The following ZZZ3 variants were observed in gnomAD, a reference collection of about 807,000 sequenced individuals.
ZZZ3 encodes the protein zinc finger ZZ-type containing 3, also known as ZZ-type zinc finger-containing protein 3.
Under a neutral mutation model 95.2 loss-of-function variants are expected in ZZZ3, and 22 were observed. That is an observed-to-expected ratio of 0.23 (90% CI 0.17 to 0.33). The LOEUF is 0.33. ZZZ3 is among the 10% of genes least tolerant of loss of function. The probability of loss-of-function intolerance (pLI) is 1.00; values close to 1 mark genes in which losing one functional copy is unlikely to be tolerated. For synonymous variants in ZZZ3, 335 were observed against 358.9 expected (o/e 0.93, Z 0.75); for missense variants, 885 against 1,066.5 (o/e 0.83, Z 2.37).
chr1:77,679,499 G>A (rs1183657763), intron 1 of ZZZ3, among the ~76,000 whole-genome samples: 1 of 151,880 alleles, frequency 6.6e-6, no homozygotes, highest in East Asian at 1.9e-4. Flanking sequence ...AACGTGGTCT[G>A]ACTATGTTGT....
chr1:77,653,308 G>A (rs1317020829), intron 1 of ZZZ3, among the ~76,000 whole-genome samples: 4 of 152,160 alleles, frequency 2.6e-5, no homozygotes, highest in Non-Finnish European at 5.9e-5. Flanking sequence ...GAGTGCTATA[G>A]GTATGGGGTT....
intron 1 of ZZZ3, among the ~76,000 whole-genome samples, chr1:77,674,930 C>T (rs1460410773): frequency 7.3e-6 from 1 of 136,798 alleles, no homozygotes; most frequent in Non-Finnish European, 1.5e-5. Context: ...CCAGCCTGGG[C>T]AACAGAGTAA....
chr1:77,661,328 G>C (rs571350880), intron 1 of ZZZ3, among the ~76,000 whole-genome samples: 3 of 152,190 alleles, frequency 2.0e-5, no homozygotes, highest in Admixed American at 6.5e-5. Context: ...CAGGAGAATC[G>C]CTTGAGCCCA....
intron 1 of ZZZ3, among the ~76,000 whole-genome samples, chr1:77,654,540 A>G (rs1670098547): frequency 6.6e-6 from 1 of 152,216 alleles, no homozygotes; most frequent in Non-Finnish European, 1.5e-5. Flanking sequence ...AATGATGTTT[A>G]TCCCCAAAAT....
intron 5 of ZZZ3, among the ~76,000 whole-genome samples, chr1:77,601,989 A>C (rs550135582): frequency 6.6e-6 from 1 of 152,238 alleles, no homozygotes; most frequent in East Asian, 1.9e-4. Flanking sequence ...CGCTCTGCTA[A>C]TCTGCTGAAT....
intron 1 of ZZZ3, among the ~76,000 whole-genome samples, chr1:77,678,375 G>A (rs896169172): frequency 1.3e-5 from 2 of 152,152 alleles, no homozygotes; most frequent in Non-Finnish European, 2.9e-5. Context: ...GATAAGGAGA[G>A]ATCTACACGT....
At chr1:77,625,958 C>T (rs979452627) in intron 5 of ZZZ3, among the ~76,000 whole-genome samples, 4 of 151,522 alleles carry the variant, frequency 2.6e-5, no homozygotes, top group Admixed American at 1.3e-4. Flanking sequence ...GATGGCACCA[C>T]TGCACTCCAG....
chr1:77,645,916 A>G (rs1188607941), intron 1 of ZZZ3, among the ~76,000 whole-genome samples: 2 of 150,682 alleles, frequency 1.3e-5, no homozygotes, highest in Non-Finnish European at 3.0e-5. Flanking sequence ...GGTTGCAGTG[A>G]GCCGAGATCA....
rs145129251 is a variant in ZZZ3 at position 77,633,014 on chromosome 1, G to C, written c.341C>G (p.Pro114Arg). ...CERRQTEPVS[P>R]VLKRIKRCLR... ...ACAACGCTTAATTCTTTTTAAAACT[G>C]GTGAAACAGGTTCTGTTTGCCTTCT... Residue 114 changes from proline (P) to arginine (R), a missense_variant, in exon 5 of 15, where the codon CCA becomes CGA. Physicochemically the swap from Pro to Arg is moderately radical, Grantham distance 103 (BLOSUM62 -2). This residue lies in a region of ZZZ3 where 556 missense variants were observed against 652.9 expected (regional missense o/e 0.85). Coordinates refer to ENST00000370801, the MANE Select transcript of ZZZ3 (RefSeq NM_015534.6). 14 of 1,613,888 alleles carry C rather than the reference G, an allele frequency of 8.7e-6. No individual in the cohort carries two copies. The East Asian group carries it at 2.9e-4, about 33-fold the overall frequency.
intron 1 of ZZZ3, among the ~76,000 whole-genome samples, chr1:77,654,633 A>G (rs1670107930): frequency 6.6e-6 from 1 of 152,192 alleles, no homozygotes; most frequent in South Asian, 2.1e-4. Context: ...AACCGAAAAG[A>G]AAAAATAGGA....
rs990506740 is a variant in ZZZ3, at chr1:77,562,898, G to A, written c.*2742C>T. Reference sequence around the variant, plus strand: ...CGCTGACTCTGAAGTAATCTGCCTAGGTTAAAATCCAAGCATGACCACTTT... The same window carrying A: ...CGCTGACTCTGAAGTAATCTGCCTAAGTTAAAATCCAAGCATGACCACTTT... On this transcript the variant is annotated 3_prime_UTR_variant, in exon 15 of 15. Coordinates refer to ENST00000370801, the MANE Select transcript of ZZZ3 (RefSeq NM_015534.6). The A allele has an allele frequency of 6.6e-6, 1 of 152,452 alleles. No homozygotes were observed. The highest frequency in any genetic ancestry group is 1.5e-5 in the Non-Finnish European group (1 of 68,034). 9.4% of individuals were successfully genotyped at this position (152,452 alleles called of 1,614,324 possible). A position where few individuals can be genotyped will look rare whatever the true frequency, so the allele number is the denominator to read the frequency against.
chr1:77,572,262 T>A (rs1661461673), intron 12 of ZZZ3, among the ~76,000 whole-genome samples: 1 of 152,238 alleles, frequency 6.6e-6, no homozygotes, highest in Non-Finnish European at 1.5e-5. Context: ...ATCCACTCTA[T>A]TATATTTTGC....
intron 1 of ZZZ3, among the ~76,000 whole-genome samples, chr1:77,644,425 G>A (rs1012267460): frequency 2.0e-5 from 3 of 152,162 alleles, no homozygotes; most frequent in Admixed American, 6.5e-5. Flanking sequence ...GAGCTGAACC[G>A]AATTTTCATT....
Position 77,673,596 on chromosome 1 carries a change from C to T in ZZZ3, c.-403+8989G>A, listed in dbSNP as rs569294338. 1.4e-3 allele frequency among the ~76,000 whole-genome samples: 216 copies of T among 152,088 alleles called. 7 individuals carry two copies. The highest frequency in any genetic ancestry group is 1.6e-4 in the Non-Finnish European group (11 of 67,988). ...TGGGTGACAGAGTGAGACTGTGTCA[C>T]ACACACACAAATAAAAGTTGCACTT... On this transcript the variant is annotated intron_variant, in intron 1 of 14. Coordinates refer to ENST00000370801, the MANE Select transcript of ZZZ3 (RefSeq NM_015534.6).
chr1:77,612,074 G>A (rs1213320367), intron 5 of ZZZ3, among the ~76,000 whole-genome samples: 2 of 151,920 alleles, frequency 1.3e-5, no homozygotes, highest in African/African-American at 4.8e-5. Context: ...TCAAATATCT[G>A]ATAAGGGATT....
intron 5 of ZZZ3, among the ~76,000 whole-genome samples, chr1:77,602,602 A>T (rs1354429066): frequency 5.1e-5 from 6 of 117,948 alleles, no homozygotes; most frequent in South Asian, 2.8e-4. Context: ...ATTTTTACTG[A>T]TTTTTTTTTT....
intron 11 of ZZZ3, among the ~76,000 whole-genome samples, 184 bp downstream of exon 11, chr1:77,578,590 T>C (rs1249807233): frequency 6.6e-6 from 1 of 152,204 alleles, no homozygotes; most frequent in Non-Finnish European, 1.5e-5. Context: ...TGAAGAATCA[T>C]GAATTTCACT....
At position 77,568,416 on chromosome 1, in the gene ZZZ3, T is replaced by G. The variant is rs762255867; in HGVS notation, c.2382A>C (p.Glu794Asp). ...IMYRNLPEYK[E>D]LLQFKKLKKQ... is the part of the protein sequence containing the mutation. ...TCTTTAACTTTTTAAACTGTAATAG[T>G]TCTTTATATTCAGGTAAATTCCTAT... The change falls in exon 13 of 15, where the codon GAA becomes GAC. Residue 794 changes from glutamate to aspartate, a missense_variant. Coordinates refer to ENST00000370801, the MANE Select transcript of ZZZ3 (RefSeq NM_015534.6). 4 of 1,512,620 alleles carry G rather than the reference T, an allele frequency of 2.6e-6. No homozygotes were observed. The highest frequency in any genetic ancestry group is 3.5e-4 in the Middle Eastern group (2 of 5,664). The allele number at this position is 1,512,620 out of a possible 1,614,324, so 93.7% of individuals were successfully genotyped here. A position where few individuals can be genotyped will look rare whatever the true frequency, so the allele number is the denominator to read the frequency against.
intron 3 of ZZZ3, among the ~76,000 whole-genome samples, chr1:77,640,660 A>T (rs935110013): frequency 1.3e-5 from 2 of 152,036 alleles, no homozygotes; most frequent in Non-Finnish European, 2.9e-5. Context: ...ATGAGTGCCC[A>T]TCTGAAAACA....
Sources: allele counts gnomAD v4.1 joint callset (sites outside exome capture counted in the v4.1 genomes callset), GRCh38; gene constraint gnomAD v4.1.1; regional missense constraint gnomAD v4.1.1; transcripts MANE v1.5; gene names NCBI Gene and HGNC (gene_info 2026-07-23, HGNC 2026-07-21).